DNTT: variants seen among roughly 807,000 people sequenced by gnomAD.
DNTT encodes the protein nucleosidetriphosphate:DNA deoxynucleotidylexotransferase.
DNTT carries 47 observed loss-of-function variants against 60.9 expected under a neutral mutation model. The observed-to-expected ratio is 0.77, with a 90% confidence interval of 0.61 to 0.98. The LOEUF is 0.98. Ranked by LOEUF, DNTT falls within the 50% of genes least tolerant of loss-of-function variation. The pLI is 0.00. For synonymous variants in DNTT, 224 were observed against 221.2 expected (o/e 1.01, Z -0.11); for missense variants, 665 against 627.5 (o/e 1.06, Z -0.64).
chr10:96,320,737 G>A lies in DNTT; in HGVS notation c.627G>A (p.Lys209=), dbSNP rs774040313. 65 of 1,613,716 alleles carry A rather than the reference G, an allele frequency of 4.0e-5. No homozygotes were observed. The highest frequency in any genetic ancestry group is 5.3e-5 in the Non-Finnish European group (62 of 1,179,800). Residue 209 remains lysine, a synonymous_variant, in exon 4 of 11, where the codon AAG becomes AAA. Coordinates refer to ENST00000371174, the MANE Select transcript of DNTT (RefSeq NM_004088.4). ...TGCCATTCACAATCATCAGTATGAA[G>A]GACACAGAAGGAATTCCCTGCCTGG... ...KSLPFTIISM[K]DTEGIPCLGS...
chr10:96,311,778 G>A (rs1049178953), intron 1 of DNTT, among the ~76,000 whole-genome samples: 1 of 152,140 alleles, frequency 6.6e-6, no homozygotes, highest in Non-Finnish European at 1.5e-5. Context: ...CGAGTGGCTG[G>A]GATTACAGGC....
intron 1 of DNTT, among the ~76,000 whole-genome samples, chr10:96,315,164 T>C (rs1844772966): frequency 6.6e-6 from 1 of 151,300 alleles, no homozygotes; most frequent in Admixed American, 6.6e-5. Flanking sequence ...AGAGATTCTC[T>C]CAACAAAATT....
chr10:96,311,705 A>G (rs1815258), intron 1 of DNTT, among the ~76,000 whole-genome samples: 17,048 of 152,296 alleles, frequency 0.11, 1,034 homozygotes, highest in South Asian at 0.18. Context: ...GTGCAGTGGC[A>G]CGATCTCAGC....
In DNTT at chr10:96,304,543, C is replaced by A; in HGVS notation, c.46C>A (p.Pro16Thr). ...ASHLSPRKKR[P>T]RQTGALMASS... ...CCACTTGAGCCCTCGGAAGAAGAGACCCCGGCAGACGGGTGCCTTGATGGC... is the reference window on the plus strand; with the variant it reads ...CCACTTGAGCCCTCGGAAGAAGAGAACCCGGCAGACGGGTGCCTTGATGGC... The change falls in exon 1 of 11, where the codon CCC becomes ACC. Residue 16 changes from proline to threonine, a missense_variant. Physicochemically the swap from Pro to Thr is conservative, Grantham distance 38. Coordinates refer to ENST00000371174, the MANE Select transcript of DNTT (RefSeq NM_004088.4). 1 of 1,614,120 alleles carries A rather than the reference C, an allele frequency of 6.2e-7. No homozygotes were observed. The highest frequency in any genetic ancestry group is 1.1e-5 in the South Asian group (1 of 91,082).
At chr10:96,304,793 G>T (rs1844614598) in intron 1 of DNTT, 93 bp downstream of exon 1, 1 of 1,389,806 alleles carries the variant, frequency 7.2e-7, no homozygotes, top group Non-Finnish European at 9.6e-7. Flanking sequence ...TTCCACATGT[G>T]GAAGAGGTGA....
At chr10:96,307,204 A>G (rs1844648373) in intron 1 of DNTT, among the ~76,000 whole-genome samples, 1 of 152,234 alleles carries the variant, frequency 6.6e-6, no homozygotes, top group South Asian at 2.1e-4. Context: ...CTCTCCCTCC[A>G]CAATATGAAC....
chr10:96,336,724 A>C (rs1589378402), intron 10 of DNTT, among the ~76,000 whole-genome samples: 2 of 152,104 alleles, frequency 1.3e-5, no homozygotes, highest in South Asian at 4.1e-4. Context: ...AGGCGGGTGG[A>C]TCACTTGAGG....
At position 96,332,352 on chromosome 10, in the gene DNTT, G is replaced by T. The variant is rs762279234; in HGVS notation, c.1115G>T (p.Gly372Val). ...QKVMNLWEKK[G>V]LLLYYDLVES... ...TGATGCCATTCTGTTTCTTTTCAGG[G>T]ATTACTTTTATATTATGACCTTGTG... The change falls in exon 9 of 11, where the codon GGA becomes GTA. Residue 372 changes from glycine to valine, a missense_variant and splice_region_variant. Physicochemically the swap from Gly to Val is moderately radical, Grantham distance 109 (BLOSUM62 -3). Transcript: ENST00000371174. 13 of 1,612,218 alleles carry T rather than the reference G, an allele frequency of 8.1e-6. No homozygotes were observed. The highest frequency in any genetic ancestry group is 1.6e-4 in the Middle Eastern group (1 of 6,074).
intron 7 of DNTT, among the ~76,000 whole-genome samples, chr10:96,327,867 C>A (rs1844957434): frequency 6.6e-6 from 1 of 152,206 alleles, no homozygotes; most frequent in Non-Finnish European, 1.5e-5. Context: ...TGGCTGACTT[C>A]CCCTCATTCT....
At chr10:96,312,307 G>A (rs1041538911) in intron 1 of DNTT, among the ~76,000 whole-genome samples, 1 of 152,130 alleles carries the variant, frequency 6.6e-6, no homozygotes, top group Non-Finnish European at 1.5e-5. Context: ...GGAGAGGGAG[G>A]GGCAATTTCC....
At chr10:96,310,714 C>CGT (rs1337204810) in intron 1 of DNTT, among the ~76,000 whole-genome samples, 1 of 152,088 alleles carries the variant, frequency 6.6e-6, no homozygotes, top group African/African-American at 2.4e-5. Context: ...ACCTCAGCTA[C>CGT]AGACTTAGAC....
intron 9 of DNTT, among the ~76,000 whole-genome samples, chr10:96,333,224 C>G (rs556258909): frequency 6.6e-6 from 1 of 152,208 alleles, no homozygotes; most frequent in South Asian, 2.1e-4. Context: ...TCTTGCTTAA[C>G]ATCTCTAATC....
chr10:96,306,213 C>T (rs1263624813), intron 1 of DNTT, among the ~76,000 whole-genome samples: 1 of 151,698 alleles, frequency 6.6e-6, no homozygotes, highest in East Asian at 1.9e-4. Context: ...CCTGCCTCAG[C>T]CTCCCAAGTA....
In DNTT at chr10:96,336,047, A is replaced by C; in HGVS notation, c.1443+73A>C. 2.1e-6 allele frequency: 3 copies of C among 1,445,718 alleles called. No homozygotes were observed. The South Asian group carries it at 3.4e-5, about 16-fold the overall frequency. The allele number at this position is 1,445,718 out of a possible 1,614,324, so 89.6% of individuals were successfully genotyped here. On this transcript the variant is annotated intron_variant, in intron 10 of 10. Coordinates refer to ENST00000371174, the MANE Select transcript of DNTT (RefSeq NM_004088.4). Reference sequence around the variant, plus strand: ...GCTGGCCCCCGAGCTTTTTTCATGGACTGATTTTAGTATCCAGGTATGGTT... The same window carrying C: ...GCTGGCCCCCGAGCTTTTTTCATGGCCTGATTTTAGTATCCAGGTATGGTT...
At chr10:96,328,121 T>C (rs1403804723) in intron 7 of DNTT, among the ~76,000 whole-genome samples, 1 of 152,222 alleles carries the variant, frequency 6.6e-6, no homozygotes, top group African/African-American at 2.4e-5. Context: ...GTTGAGTCAA[T>C]AAATGACTGA....
chr10:96,318,586 A>G (rs1225380169), intron 2 of DNTT, 60 bp downstream of exon 2: 22 of 1,567,868 alleles, frequency 1.4e-5, no homozygotes, highest in Non-Finnish European at 1.9e-5. Context: ...ACATAGGCTT[A>G]GGATCAACGG....
intron 10 of DNTT, among the ~76,000 whole-genome samples, chr10:96,337,254 C>T (rs748097169): frequency 6.6e-6 from 1 of 152,168 alleles, no homozygotes; most frequent in Non-Finnish European, 1.5e-5. Flanking sequence ...CTACCTGATG[C>T]TCATTGGCCA....
At position 96,332,544 on chromosome 10, in the gene DNTT, T is replaced by G. The variant is rs760602204; in HGVS notation, c.1307T>G (p.Leu436Arg). The G allele has an allele frequency of 6.2e-7, 1 of 1,614,202 alleles. No individual in the cohort carries two copies. Among genetic ancestry groups the G allele is most frequent in the South Asian group, 1.1e-5 (1 of 91,086 alleles). ...TWKAIRVDLV[L>R]CPYERRAFAL... ...AAGGCCATCCGTGTGGATTTAGTTC[T>G]GTGCCCCTACGAGCGTCGTGCCTTT... Residue 436 changes from leucine (L) to arginine (R), a missense_variant, in exon 9 of 11, where the codon CTG (leucine) becomes CGG (arginine). By Grantham distance (102) the Leu-to-Arg change is moderately radical (BLOSUM62 -2). Transcript: ENST00000371174.
chr10:96,324,158 G>T, intron 5 of DNTT, 108 bp from the exon 6 acceptor site: 2 of 1,403,416 alleles, frequency 1.4e-6, no homozygotes, highest in Non-Finnish European at 1.9e-6. Context: ...CTAGGTCAAA[G>T]ATTTGCTTAT....
Sources: gnomAD v4.1 joint callset for allele counts (sites outside exome capture counted in the v4.1 genomes callset) on GRCh38, gnomAD v4.1.1 for gene constraint, MANE v1.5 for transcripts, NCBI Gene and HGNC (gene_info 2026-07-23, HGNC 2026-07-21) for gene names.